OR9Q1: variants seen among roughly 807,000 people sequenced by gnomAD.
The protein encoded by OR9Q1 is olfactory receptor 9Q1.
For missense variants in OR9Q1, 374 were observed against 378.8 expected, an observed-to-expected ratio of 0.99 and a Z score of 0.11; for synonymous variants, 153 against 148.6, an observed-to-expected ratio of 1.03 and a Z score of -0.22.
At chr11:58,104,586 T>G (rs10750883) in intron 2 of OR9Q1, among the ~76,000 whole-genome samples, 38,267 of 152,032 alleles carry the variant, frequency 0.25, 5,379 homozygotes, top group East Asian at 0.58. Flanking sequence ...TATTCATGAT[T>G]TTTTGGAATG....
chr11:58,175,422 C>T (rs1854595999), intron 2 of OR9Q1, among the ~76,000 whole-genome samples: 2 of 152,050 alleles, frequency 1.3e-5, no homozygotes, highest in Admixed American at 1.3e-4. Flanking sequence ...TCCGAACTGA[C>T]AAAGTCCACC....
intron 2 of OR9Q1, among the ~76,000 whole-genome samples, chr11:58,076,187 GT>G (rs1853537507): frequency 6.6e-6 from 1 of 152,088 alleles, no homozygotes; most frequent in African/African-American, 2.4e-5. Context: ...GTAATTTTTT[GT>G]TGCTGAATAA....
intron 1 of OR9Q1, among the ~76,000 whole-genome samples, chr11:58,032,695 T>C (rs1590544752): frequency 6.6e-6 from 1 of 152,184 alleles, no homozygotes; most frequent in Non-Finnish European, 1.5e-5. Context: ...CTTCTGGACA[T>C]TGGTCTTGGG....
At chr11:58,039,182 C>T (rs968953138) in intron 1 of OR9Q1, among the ~76,000 whole-genome samples, 1 of 152,022 alleles carries the variant, frequency 6.6e-6, no homozygotes, top group South Asian at 2.1e-4. Context: ...TAGAGATGGG[C>T]TTTCACCATT....
intron 2 of OR9Q1, among the ~76,000 whole-genome samples, chr11:58,080,227 A>G (rs1306985887): frequency 6.6e-6 from 1 of 152,078 alleles, no homozygotes; most frequent in East Asian, 1.9e-4. Flanking sequence ...CCATTTATGC[A>G]TGAGAATATG....
At chr11:58,031,209 G>A in intron 1 of OR9Q1, 1 of 1,614,168 alleles carries the variant, frequency 6.2e-7, no homozygotes, top group Middle Eastern at 1.6e-4. Context: ...ATGCTGGCTG[G>A]TTTTATTGGG....
chr11:58,031,590 C>A (rs763224776), intron 1 of OR9Q1: 47 of 1,613,926 alleles, frequency 2.9e-5, no homozygotes, highest in Non-Finnish European at 3.8e-5. Context: ...GTGCTACTGG[C>A]CTCCTCTATG....
At chr11:58,160,797 T>C (rs1854449914) in intron 2 of OR9Q1, among the ~76,000 whole-genome samples, 1 of 152,196 alleles carries the variant, frequency 6.6e-6, no homozygotes, top group Admixed American at 6.5e-5. Flanking sequence ...TTGGTATCAC[T>C]GAAATGTAGC....
Position 58,099,541 on chromosome 11 carries a change from G to A in OR9Q1, c.-15+43594G>A, listed in dbSNP as rs2120082891. On this transcript the variant is annotated intron_variant, in intron 2 of 2. Coordinates refer to ENST00000335397, the MANE Select transcript of OR9Q1 (RefSeq NM_001005212.4). ...AATATAGGCACCCTGGCTTTCTTAT[G>A]CTTAGTGTTTGTGTGGCATATAATT... Among the ~76,000 whole-genome samples the A allele has an allele frequency of 2.0e-5, 3 of 151,998 alleles. 1 individual carries two copies. The Middle Eastern group carries it at 0.01, about 521-fold the overall frequency.
chr11:58,087,631 G>T (rs528464783), intron 2 of OR9Q1, among the ~76,000 whole-genome samples: 30 of 151,928 alleles, frequency 2.0e-4, no homozygotes, highest in Admixed American at 5.2e-4. Flanking sequence ...ATGTGCCATG[G>T]TGGTTTGCTG....
chr11:58,070,627 A>G (rs1853478609), intron 2 of OR9Q1, among the ~76,000 whole-genome samples: 1 of 152,226 alleles, frequency 6.6e-6, no homozygotes, highest in South Asian at 2.1e-4. Flanking sequence ...TCAATGGCAT[A>G]AATTCTGTGG....
chr11:58,108,245 A>T (rs1325114615), intron 2 of OR9Q1, among the ~76,000 whole-genome samples: 1 of 152,168 alleles, frequency 6.6e-6, no homozygotes, highest in East Asian at 1.9e-4. Context: ...TTGGTAGGTT[A>T]TCCATACCAC....
intron 1 of OR9Q1, among the ~76,000 whole-genome samples, chr11:58,027,464 A>C (rs1852986742): frequency 6.6e-6 from 1 of 152,214 alleles, no homozygotes; most frequent in Admixed American, 6.5e-5. Context: ...TTTACGTTTT[A>C]AAGAGTTGCA....
chr11:58,154,157 AGAAGGAGGAGGAGAAGGAGGAGGG>A (rs529895767), intron 2 of OR9Q1, among the ~76,000 whole-genome samples: 56,912 of 148,792 alleles, frequency 0.38, 11,140 homozygotes, highest in Admixed American at 0.45. Flanking sequence ...GAGGAAGAGG[AGAAGGAGGAGGAGAAGGAGGAGGG>A]GAAGGAGGAG....
intron 2 of OR9Q1, among the ~76,000 whole-genome samples, chr11:58,087,810 G>T (rs146042859): frequency 6.6e-6 from 1 of 151,504 alleles, no homozygotes; most frequent in African/African-American, 2.4e-5. Flanking sequence ...GTGAGAACAC[G>T]TGTTGTTTGG....
chr11:58,088,722 A>C (rs1853656498), intron 2 of OR9Q1, among the ~76,000 whole-genome samples: 1 of 151,814 alleles, frequency 6.6e-6, no homozygotes, highest in South Asian at 2.1e-4. Flanking sequence ...TCTGGATATC[A>C]GACTTTTGTC....
At chr11:58,175,014 GA>G (rs1302243157) in intron 2 of OR9Q1, among the ~76,000 whole-genome samples, 1 of 141,910 alleles carries the variant, frequency 7.0e-6, no homozygotes, top group Non-Finnish European at 1.5e-5. Context: ...GCTGAGGCAT[GA>G]GAATTGCTTG....
At chr11:58,097,956 A>G (rs1853747311) in intron 2 of OR9Q1, among the ~76,000 whole-genome samples, 1 of 152,186 alleles carries the variant, frequency 6.6e-6, no homozygotes, top group East Asian at 1.9e-4. Context: ...GGAGCATGGG[A>G]GAGAGATGGA....
intron 2 of OR9Q1, among the ~76,000 whole-genome samples, chr11:58,136,571 C>T (rs937397267): frequency 6.6e-5 from 10 of 152,108 alleles, no homozygotes; most frequent in Admixed American, 2.6e-4. Flanking sequence ...AATTGACTGG[C>T]GGTTCTATTG....
Sources: allele counts gnomAD v4.1 joint callset (sites outside exome capture counted in the v4.1 genomes callset), GRCh38; gene constraint gnomAD v4.1.1; transcripts MANE v1.5; gene names NCBI Gene and HGNC (gene_info 2026-07-23, HGNC 2026-07-21).